SLC2A12: variants seen among roughly 807,000 people sequenced by gnomAD.
SLC2A12 encodes the protein solute carrier family 2, facilitated glucose transporter member 12.
Under a neutral mutation model 41.8 loss-of-function variants are expected in SLC2A12, and 23 were observed. That is an observed-to-expected ratio of 0.55 (90% confidence interval 0.40 to 0.78). The LOEUF (loss-of-function observed/expected upper bound fraction) is 0.78. Ranked by LOEUF, SLC2A12 falls within the 30% of genes least tolerant of loss-of-function variation. SLC2A12 has a pLI of 0.00. For missense variants in SLC2A12, 654 were observed against 745.6 expected (o/e 0.88, Z 1.43); for synonymous variants, 295 against 285.9 (o/e 1.03, Z -0.32).
At chr6:133,997,952 TA>T (rs1189585053) in intron 4 of SLC2A12, among the ~76,000 whole-genome samples, 1 of 152,236 alleles carries the variant, frequency 6.6e-6, no homozygotes, top group African/African-American at 2.4e-5. Context: ...TAATTGCCTT[TA>T]TTTTTGTTCT....
At position 134,029,725 on chromosome 6, in the gene SLC2A12, C is replaced by A. The variant is rs1186017961; in HGVS notation, c.104-4G>T. On this transcript the variant is annotated splice_polypyrimidine_tract_variant and splice_region_variant and intron_variant, in intron 1 of 4. Transcript: ENST00000275230. ...AGGAAGGTAAACATGCCGCAGCCTG[C>A]AAGCAGAGAGAAGAGACAGGGAGGT... is the stretch of plus-strand genomic sequence containing the variant. 2.5e-6 allele frequency: 4 copies of A among 1,589,210 alleles called. No individual in the cohort carries two copies. The highest frequency in any genetic ancestry group is 1.1e-5 in the South Asian group (1 of 89,940).
At chr6:133,995,896 A>G (rs1776681177) in intron 4 of SLC2A12, among the ~76,000 whole-genome samples, 1 of 152,182 alleles carries the variant, frequency 6.6e-6, no homozygotes, top group Admixed American at 6.5e-5. Flanking sequence ...TGTGTTTCTG[A>G]CTTAGCCTTT....
chr6:134,032,426 T>TTATATATA (rs1210191475), intron 1 of SLC2A12, among the ~76,000 whole-genome samples: 1 of 35,504 alleles, frequency 2.8e-5, no homozygotes, highest in Admixed American at 2.9e-4. Context: ...ATATATATAT[T>TTATATATA]TATATATATA....
In SLC2A12 at chr6:134,026,200, T is replaced by C. The variant is rs547407205; in HGVS notation, c.1444+2181A>G. On this transcript the variant is annotated intron_variant, in intron 2 of 4. Transcript: ENST00000275230. ...TAGCTAATCTTGACATTTCAAAAAATTGGACCAAGAAAATTGATGTACAAA... is the reference window on the plus strand; with the variant it reads ...TAGCTAATCTTGACATTTCAAAAAACTGGACCAAGAAAATTGATGTACAAA... 5.3e-5 allele frequency among the ~76,000 whole-genome samples: 8 copies of C among 152,274 alleles called. No homozygotes were observed. In the East Asian group the frequency reaches 1.2e-3, roughly 22 times the overall value.
At chr6:134,016,219 G>A (rs1776960209) in intron 2 of SLC2A12, among the ~76,000 whole-genome samples, 1 of 151,792 alleles carries the variant, frequency 6.6e-6, no homozygotes, top group Non-Finnish European at 1.5e-5. Context: ...TCACCCTCTG[G>A]AGCAGAGGGC....
intron 2 of SLC2A12, among the ~76,000 whole-genome samples, chr6:134,020,964 A>C (rs1007948415): frequency 1.3e-5 from 2 of 152,226 alleles, no homozygotes; most frequent in African/African-American, 4.8e-5. Context: ...CAACTTTTAG[A>C]TATTGTGTCC....
intron 2 of SLC2A12, among the ~76,000 whole-genome samples, chr6:134,014,631 A>T (rs941869230): frequency 6.6e-6 from 1 of 152,242 alleles, no homozygotes; most frequent in African/African-American, 2.4e-5. Flanking sequence ...CTTAACACTG[A>T]GTCATGGAAA....
chr6:133,994,153 A>G (rs1197834908), intron 4 of SLC2A12, among the ~76,000 whole-genome samples: 2 of 152,196 alleles, frequency 1.3e-5, no homozygotes, highest in African/African-American at 4.8e-5. Context: ...AGCCAACACA[A>G]CTTCCTGATA....
intron 1 of SLC2A12, among the ~76,000 whole-genome samples, chr6:134,032,813 C>CTA (rs1231792169): frequency 8.2e-6 from 1 of 121,484 alleles, no homozygotes; most frequent in African/African-American, 2.9e-5. Context: ...TAATTTATAT[C>CTA]TATATATATA....
intron 2 of SLC2A12, among the ~76,000 whole-genome samples, chr6:134,016,247 G>A (rs775029289): frequency 3.3e-5 from 5 of 151,406 alleles, no homozygotes; most frequent in Non-Finnish European, 5.9e-5. Context: ...TTGACTGTCC[G>A]ATAAAGATAA....
chr6:134,004,777 C>G (rs1219414148), intron 3 of SLC2A12, among the ~76,000 whole-genome samples: 4 of 152,094 alleles, frequency 2.6e-5, no homozygotes, highest in African/African-American at 9.7e-5. Flanking sequence ...TCAGGATAGC[C>G]AAATAGCTAA....
chr6:134,048,620 C>T lies in SLC2A12; in HGVS notation c.103+3758G>A, dbSNP rs149871626. ...AAAACCTGTTATTTCCTTGGAAATA[C>T]GTATCACAGTAGACACAATCATTGT... On this transcript the variant is annotated intron_variant, in intron 1 of 4. Transcript: ENST00000275230. Among the ~76,000 whole-genome samples the T allele has an allele frequency of 5.3e-5, 8 of 152,264 alleles. No individual in the cohort carries two copies. The East Asian group carries it at 1.2e-3, about 22-fold the overall frequency.
chr6:134,007,090 G>A (rs150036078), intron 2 of SLC2A12, among the ~76,000 whole-genome samples, 156 bp from the exon 3 acceptor site: 37 of 152,320 alleles, frequency 2.4e-4, no homozygotes, highest in African/African-American at 8.7e-4. Context: ...ACAGTAAAGG[G>A]ACGTGCTGCC....
chr6:134,031,506 G>C (rs928158486), intron 1 of SLC2A12, among the ~76,000 whole-genome samples: 1 of 152,176 alleles, frequency 6.6e-6, no homozygotes, highest in Non-Finnish European at 1.5e-5. Flanking sequence ...TCTGTGGCTT[G>C]AGCAGGTGGG....
rs1257816887 is a variant in SLC2A12 at position 133,988,810 on chromosome 6, A to G, written c.*2345T>C. The G allele has an allele frequency of 2.0e-5, 3 of 152,150 alleles. No individual in the cohort carries two copies. The highest frequency in any genetic ancestry group is 4.4e-5 in the Non-Finnish European group (3 of 68,030). 9.4% of individuals were successfully genotyped at this position (152,150 alleles called of 1,614,324 possible). A position where few individuals can be genotyped will look rare whatever the true frequency, so the allele number is the denominator to read the frequency against. On this transcript the variant is annotated 3_prime_UTR_variant, in exon 5 of 5. Transcript: ENST00000275230. ...TTCATAGAGAATAAAATTACATGAA[A>G]GAGTTACAAGCTCACTGTTTTAAAG...
intron 2 of SLC2A12, among the ~76,000 whole-genome samples, 178 bp downstream of exon 2, chr6:134,028,203 T>C (rs1777139495): frequency 6.6e-6 from 1 of 152,228 alleles, no homozygotes; most frequent in Non-Finnish European, 1.5e-5. Flanking sequence ...TTCAGTTGAA[T>C]ACTAGCCCTG....
intron 1 of SLC2A12, among the ~76,000 whole-genome samples, chr6:134,031,129 C>A (rs998665999): frequency 6.6e-6 from 1 of 152,146 alleles, no homozygotes; most frequent in Non-Finnish European, 1.5e-5. Context: ...TGGTGGCTCA[C>A]GCCTGTAATC....
chr6:134,014,849 ACTT>A (rs1457148730), intron 2 of SLC2A12, among the ~76,000 whole-genome samples: 2 of 152,222 alleles, frequency 1.3e-5, no homozygotes, highest in Non-Finnish European at 2.9e-5. Flanking sequence ...ATTTTGCTGT[ACTT>A]CTTGCTGTGG....
At chr6:134,014,079 AC>A (rs1662861908) in intron 2 of SLC2A12, among the ~76,000 whole-genome samples, 1 of 152,182 alleles carries the variant, frequency 6.6e-6, no homozygotes. Context: ...GTGGTCCCCA[AC>A]CTTTTTGGCA....
Sources: gnomAD v4.1 joint callset for allele counts (sites outside exome capture counted in the v4.1 genomes callset) on GRCh38, gnomAD v4.1.1 for gene constraint, MANE v1.5 for transcripts, NCBI Gene and HGNC (gene_info 2026-07-23, HGNC 2026-07-21) for gene names.